MTUS2: variants seen among roughly 807,000 people sequenced by gnomAD.
MTUS2 encodes the protein microtubule-associated tumor suppressor candidate 2.
A neutral mutation model predicts 114.1 loss-of-function variants in MTUS2; 40 were observed. That is an observed-to-expected ratio of 0.35 (90% CI 0.27 to 0.46). MTUS2 has a LOEUF of 0.46. Among genes scored for constraint, MTUS2 ranks in the 20% least tolerant of loss-of-function variants. The probability of loss-of-function intolerance (pLI) is 1.00; values close to 1 mark genes in which losing one functional copy is unlikely to be tolerated. For missense variants in MTUS2, 1,679 were observed against 1,705.4 expected (o/e 0.98, Z 0.27); for synonymous variants, 688 against 672.0 (o/e 1.02, Z -0.37).
At chr13:28,942,404 G>C (rs1182407650) in intron 2 of MTUS2, among the ~76,000 whole-genome samples, 1 of 152,172 alleles carries the variant, frequency 6.6e-6, no homozygotes, top group African/African-American at 2.4e-5. Context: ...ACACCAGTTT[G>C]TAAAGCTGTT....
At chr13:29,185,125 A>G (rs1205701577) in intron 5 of MTUS2, among the ~76,000 whole-genome samples, 1 of 152,170 alleles carries the variant, frequency 6.6e-6, no homozygotes, top group African/African-American at 2.4e-5. Context: ...TAGAGTTGAA[A>G]AGTACAATGA....
intron 5 of MTUS2, among the ~76,000 whole-genome samples, chr13:29,186,922 A>G (rs760472955): frequency 1.3e-5 from 2 of 152,182 alleles, no homozygotes; most frequent in African/African-American, 2.4e-5. Context: ...ATGTTAGTCA[A>G]TGACTGGAAT....
rs770943798 is a variant in MTUS2, at chr13:29,025,483, T to C, written c.785T>C (p.Val262Ala). Reference sequence around the variant, plus strand: ...AGCACTCCCTCAGAGACCCAAACAGTGGGGGCACATGTACTGCAGGTGTGC... The same window carrying C: ...AGCACTCCCTCAGAGACCCAAACAGCGGGGGCACATGTACTGCAGGTGTGC... ...KQSTPSETQT[V>A]GAHVLQVCSE... The change falls in exon 3 of 16, where the codon GTG becomes GCG. Residue 262 changes from valine (V) to alanine (A), a missense_variant. Val to Ala is a moderately conservative substitution (Grantham distance 64, BLOSUM62 0). Coordinates refer to ENST00000612955, the MANE Select transcript of MTUS2 (RefSeq NM_001033602.4). 6.2e-7 allele frequency: 1 copy of C among 1,613,332 alleles called. No individual in the cohort carries two copies. Among genetic ancestry groups the C allele is most frequent in the Non-Finnish European group, 8.5e-7 (1 of 1,179,644 alleles).
chr13:29,385,169 A>G (rs1240768542), intron 8 of MTUS2, among the ~76,000 whole-genome samples: 1 of 152,216 alleles, frequency 6.6e-6, no homozygotes, highest in African/African-American at 2.4e-5. Flanking sequence ...ATGTGCCGAC[A>G]TTTGTGAGAA....
intron 5 of MTUS2, among the ~76,000 whole-genome samples, chr13:29,199,146 G>A (rs756561168): frequency 2.6e-5 from 4 of 152,100 alleles, no homozygotes; most frequent in Non-Finnish European, 4.4e-5. Context: ...ACAATCCTAA[G>A]CAAAAAGAAC....
chr13:29,300,269 C>G (rs1472952825), intron 6 of MTUS2, among the ~76,000 whole-genome samples: 4 of 152,140 alleles, frequency 2.6e-5, no homozygotes, highest in Non-Finnish European at 5.9e-5. Flanking sequence ...GGTCTGAAAC[C>G]TTTTGTGGAT....
intron 4 of MTUS2, among the ~76,000 whole-genome samples, chr13:29,083,261 C>A (rs1889525942): frequency 1.3e-5 from 2 of 152,226 alleles, no homozygotes; most frequent in South Asian, 4.1e-4. Flanking sequence ...ATTTGTATGT[C>A]CTGAACGAGT....
chr13:29,223,740 G>A (rs1895998241), intron 5 of MTUS2, among the ~76,000 whole-genome samples: 1 of 152,232 alleles, frequency 6.6e-6, no homozygotes, highest in Non-Finnish European at 1.5e-5. Context: ...TGGAGGTGAT[G>A]AGAAGGAGAG....
chr13:29,029,390 G>A (rs1466593871), intron 3 of MTUS2, among the ~76,000 whole-genome samples: 1 of 152,184 alleles, frequency 6.6e-6, no homozygotes, highest in Non-Finnish European at 1.5e-5. Context: ...AATTAAAAGT[G>A]AACAAATTGC....
chr13:29,002,303 G>A (rs1456928040), intron 2 of MTUS2, among the ~76,000 whole-genome samples: 1 of 152,054 alleles, frequency 6.6e-6, no homozygotes, highest in Non-Finnish European at 1.5e-5. Context: ...TAAACATCTG[G>A]GAACAGTTTT....
At chr13:29,117,102 A>G (rs752583003) in intron 5 of MTUS2, among the ~76,000 whole-genome samples, 8 of 152,132 alleles carry the variant, frequency 5.3e-5, no homozygotes, top group Non-Finnish European at 8.8e-5. Flanking sequence ...CGTGTTCATG[A>G]TACTTTCTCT....
intron 4 of MTUS2, among the ~76,000 whole-genome samples, chr13:29,083,520 A>G (rs937748901): frequency 3.0e-4 from 45 of 152,348 alleles, no homozygotes; most frequent in Non-Finnish European, 5.3e-4. Context: ...AGCCAAATCT[A>G]TAATAGCAAA....
intron 5 of MTUS2, among the ~76,000 whole-genome samples, chr13:29,169,929 T>C (rs934790936): frequency 1.3e-5 from 2 of 152,196 alleles, no homozygotes; most frequent in African/African-American, 2.4e-5. Context: ...ACCTGTCACC[T>C]CTGTTTCTCT....
intron 4 of MTUS2, among the ~76,000 whole-genome samples, chr13:29,096,558 A>G (rs1890187914): frequency 6.6e-6 from 1 of 152,220 alleles, no homozygotes; most frequent in Admixed American, 6.5e-5. Context: ...TCATGGAGCT[A>G]CCAGCCTCCT....
chr13:29,322,022 T>C (rs1018438125), intron 6 of MTUS2, among the ~76,000 whole-genome samples: 7 of 152,190 alleles, frequency 4.6e-5, no homozygotes, highest in Non-Finnish European at 1.0e-4. Flanking sequence ...ACTTATGTTA[T>C]ATATGTTATA....
intron 5 of MTUS2, among the ~76,000 whole-genome samples, chr13:29,205,251 AT>A (rs1204994734): frequency 6.6e-6 from 1 of 152,062 alleles, no homozygotes. Context: ...ACTTTTTGCA[AT>A]TTTGCTCCTA....
At chr13:28,940,057 C>A (rs1374586352) in intron 2 of MTUS2, among the ~76,000 whole-genome samples, 4 of 152,184 alleles carry the variant, frequency 2.6e-5, no homozygotes, top group African/African-American at 9.7e-5. Flanking sequence ...CTGGTTCCCT[C>A]CCATGACACG....
intron 2 of MTUS2, among the ~76,000 whole-genome samples, chr13:28,845,677 T>C (rs2138006807): frequency 6.6e-6 from 1 of 151,556 alleles, no homozygotes; most frequent in South Asian, 2.1e-4. Context: ...TTTTTTAACC[T>C]AGACAACTTG....
intron 5 of MTUS2, among the ~76,000 whole-genome samples, chr13:29,154,785 G>A (rs1049075155): frequency 6.6e-6 from 1 of 152,104 alleles, no homozygotes. Context: ...TATGACACAG[G>A]GAAACATTCA....
Sources: allele counts gnomAD v4.1 joint callset (sites outside exome capture counted in the v4.1 genomes callset), GRCh38; gene constraint gnomAD v4.1.1; transcripts MANE v1.5; gene names NCBI Gene and HGNC (gene_info 2026-07-23, HGNC 2026-07-21).